The following CLOCK variants were observed in gnomAD, a reference collection of about 807,000 sequenced individuals.
The protein encoded by CLOCK is circadian locomoter output cycles protein kaput.
Under a neutral mutation model 118.4 loss-of-function variants are expected in CLOCK, and 43 were observed. The ratio of observed to expected loss-of-function variants is 0.36; its 90% CI spans 0.28 to 0.47. The LOEUF (loss-of-function observed/expected upper bound fraction) is 0.47, where lower values mean the gene tolerates loss of function less well. CLOCK is among the 20% of genes least tolerant of loss of function. The pLI is 1.00. For synonymous variants in CLOCK, 326 were observed against 339.2 expected (o/e 0.96, Z 0.43); for missense variants, 846 against 999.9 (o/e 0.85, Z 2.08).
chr4:55,442,140 C>T (rs1015503144), intron 21 of CLOCK: 1 of 332,224 alleles, frequency 3.0e-6, no homozygotes, highest in African/African-American at 2.1e-5. Context: ...AAAAGCTTCA[C>T]AGTGACACAG....
intron 2 of CLOCK, among the ~76,000 whole-genome samples, chr4:55,498,006 C>A (rs1003973552): frequency 6.6e-6 from 1 of 150,908 alleles, no homozygotes; most frequent in African/African-American, 2.4e-5. Flanking sequence ...AAAAGAAGTA[C>A]AGAATTTCAT....
At chr4:55,498,589 GATCT>G (rs972691718) in intron 2 of CLOCK, among the ~76,000 whole-genome samples, 14 of 136,618 alleles carry the variant, frequency 1.0e-4, no homozygotes, top group African/African-American at 2.6e-4. Context: ...TTAAAAAATT[GATCT>G]ATCTAGTTCC....
At chr4:55,484,163 G>A (rs1156640102) in intron 3 of CLOCK, among the ~76,000 whole-genome samples, 4 of 151,818 alleles carry the variant, frequency 2.6e-5, no homozygotes, top group African/African-American at 9.7e-5. Context: ...GGCTGCAGAA[G>A]TAGAACTGTG....
chr4:55,442,637 G>A lies in CLOCK; in HGVS notation c.1903-3C>T. 1 of 1,612,008 alleles carries A rather than the reference G, an allele frequency of 6.2e-7. No individual in the cohort carries two copies. The highest frequency in any genetic ancestry group is 8.5e-7 in the Non-Finnish European group (1 of 1,178,710). On this transcript the variant is annotated splice_polypyrimidine_tract_variant and splice_region_variant and intron_variant, in intron 20 of 22. Coordinates refer to ENST00000513440, the MANE Select transcript of CLOCK (RefSeq NM_004898.4). ...CCACTCAGTACATTTTGTTGACTCTGTTAAAAATAAAGAGATTTTATAGAC... is the reference window on the plus strand; with the variant it reads ...CCACTCAGTACATTTTGTTGACTCTATTAAAAATAAAGAGATTTTATAGAC...
At chr4:55,513,581 T>C (rs894647376) in intron 1 of CLOCK, among the ~76,000 whole-genome samples, 3 of 152,160 alleles carry the variant, frequency 2.0e-5, no homozygotes, top group Non-Finnish European at 1.5e-5. Context: ...AGTCAGGCAA[T>C]GTTGGATCTC....
At chr4:55,457,706 A>G (rs1456135330) in intron 11 of CLOCK, among the ~76,000 whole-genome samples, 1 of 152,200 alleles carries the variant, frequency 6.6e-6, no homozygotes, top group Non-Finnish European at 1.5e-5. Flanking sequence ...TAAACAATGT[A>G]TTCCATCCTG....
intron 15 of CLOCK, chr4:55,452,613 A>C (rs990810669): frequency 5.4e-6 from 1 of 183,760 alleles, no homozygotes; most frequent in East Asian, 1.5e-4. Flanking sequence ...TATACTTCTG[A>C]CCTGATATAA....
intron 7 of CLOCK, among the ~76,000 whole-genome samples, chr4:55,472,479 T>TA (rs1726213730): frequency 6.6e-6 from 1 of 152,142 alleles, no homozygotes; most frequent in South Asian, 2.1e-4. Context: ...GCACAAAAGA[T>TA]ACTATAAAAG....
intron 2 of CLOCK, among the ~76,000 whole-genome samples, chr4:55,500,131 T>G (rs1215038884): frequency 6.6e-6 from 1 of 152,108 alleles, no homozygotes; most frequent in Admixed American, 6.6e-5. Context: ...TGCTAACTGC[T>G]GCACTCAACA....
At chr4:55,451,894 T>C (rs1483804980) in intron 15 of CLOCK, among the ~76,000 whole-genome samples, 1 of 152,236 alleles carries the variant, frequency 6.6e-6, no homozygotes, top group Non-Finnish European at 1.5e-5. Context: ...ATTCTTAGCA[T>C]CTAGATCCAT....
intron 11 of CLOCK, 84 bp from the exon 12 acceptor site, chr4:55,456,384 C>T: frequency 1.1e-6 from 1 of 926,744 alleles, no homozygotes; most frequent in Non-Finnish European, 1.7e-6. Context: ...AAGTCATGGC[C>T]AGGTGCAGTG....
chr4:55,444,693 T>C lies in CLOCK; in HGVS notation c.1632A>G (p.Gln544=). Reference sequence around the variant, plus strand: ...CTTGAATTTTTCTTAGTTCTTCTTGTTGCCGATGAATATTTGCTTCTATCA... The same window carrying C: ...CTTGAATTTTTCTTAGTTCTTCTTGCTGCCGATGAATATTTGCTTCTATCA... ...TRMIEANIHR[Q]QEELRKIQEQ... is the part of the protein sequence containing the mutation. The change falls in exon 19 of 23, where the codon CAA becomes CAG. Residue 544 remains glutamine (Q), a synonymous_variant. Transcript: ENST00000513440. The C allele has an allele frequency of 6.2e-7, 1 of 1,614,178 alleles. No individual in the cohort carries two copies. Among genetic ancestry groups the C allele is most frequent in the Non-Finnish European group, 8.5e-7 (1 of 1,180,016 alleles).
chr4:55,437,922 C>A (rs891048230), intron 22 of CLOCK, among the ~76,000 whole-genome samples: 4 of 152,138 alleles, frequency 2.6e-5, no homozygotes, highest in Admixed American at 2.6e-4. Context: ...GAAATCCCTG[C>A]TCTGTACAGA....
At chr4:55,460,928 C>T (rs947721095) in intron 9 of CLOCK, among the ~76,000 whole-genome samples, 2 of 145,676 alleles carry the variant, frequency 1.4e-5, no homozygotes, top group African/African-American at 5.0e-5. Flanking sequence ...CTTTCCTCTC[C>T]TTTTTTTTTT....
At chr4:55,471,696 C>G (rs1577742175) in intron 7 of CLOCK, among the ~76,000 whole-genome samples, 2 of 151,690 alleles carry the variant, frequency 1.3e-5, no homozygotes, top group South Asian at 4.2e-4. Flanking sequence ...GAAGTGACAG[C>G]TGAAGAAATG....
intron 1 of CLOCK, among the ~76,000 whole-genome samples, chr4:55,541,746 T>C (rs1384738022): frequency 6.6e-6 from 1 of 152,126 alleles, no homozygotes; most frequent in Non-Finnish European, 1.5e-5. Flanking sequence ...TGTATTATAA[T>C]TATCAAATAA....
rs919958869 is a variant in CLOCK at position 55,460,392 on chromosome 4, A to G, written c.560-1131T>C. Reference sequence around the variant, plus strand: ...CAGGACATTCGAACTTGATTGTCCCATTAGTAACTTAAATTCAAAATACTT... The same window carrying G: ...CAGGACATTCGAACTTGATTGTCCCGTTAGTAACTTAAATTCAAAATACTT... On this transcript the variant is annotated intron_variant, in intron 9 of 22. Coordinates refer to ENST00000513440, the MANE Select transcript of CLOCK (RefSeq NM_004898.4). Among the ~76,000 whole-genome samples, 12 of 152,352 alleles carry G rather than the reference A, an allele frequency of 7.9e-5. No individual in the cohort carries two copies. In the South Asian group the frequency reaches 2.1e-3, roughly 26 times the overall value.
At chr4:55,469,114 G>T (rs1725936241) in intron 8 of CLOCK, among the ~76,000 whole-genome samples, 1 of 150,090 alleles carries the variant, frequency 6.7e-6, no homozygotes. Flanking sequence ...ATGATTTAGA[G>T]TATTCTCTAT....
At chr4:55,539,825 A>T (rs1217389900) in intron 1 of CLOCK, among the ~76,000 whole-genome samples, 6 of 152,070 alleles carry the variant, frequency 3.9e-5, no homozygotes, top group Admixed American at 3.9e-4. Flanking sequence ...ACTGACATGA[A>T]AATATGTTGA....
Sources: gnomAD v4.1 joint callset for allele counts (sites outside exome capture counted in the v4.1 genomes callset) on GRCh38, gnomAD v4.1.1 for gene constraint, MANE v1.5 for transcripts, NCBI Gene and HGNC (gene_info 2026-07-23, HGNC 2026-07-21) for gene names.